The following OR51B5 variants were observed in gnomAD, a reference collection of about 807,000 sequenced individuals.
The protein encoded by OR51B5 is olfactory receptor family 51 subfamily B member 5.
For missense variants in OR51B5, 456 were observed against 374.6 expected (o/e 1.22, Z -1.79); for synonymous variants, 186 against 144.8 (o/e 1.28, Z -2.04).
At chr11:5,450,409 TA>T (rs1850826489) in intron 1 of OR51B5, among the ~76,000 whole-genome samples, 4 of 152,024 alleles carry the variant, frequency 2.6e-5, no homozygotes, top group Non-Finnish European at 5.9e-5. Flanking sequence ...ATGAATTAAT[TA>T]ATTAATGAAT....
At chr11:5,429,616 C>A (rs1850505514) in intron 1 of OR51B5, among the ~76,000 whole-genome samples, 1 of 152,000 alleles carries the variant, frequency 6.6e-6, no homozygotes, top group Non-Finnish European at 1.5e-5. Context: ...GAAGCCTAGG[C>A]AAACATGGGC....
intron 1 of OR51B5, among the ~76,000 whole-genome samples, chr11:5,473,667 G>A (rs889259932): frequency 6.6e-6 from 1 of 152,004 alleles, no homozygotes; most frequent in Non-Finnish European, 1.5e-5. Context: ...TTATTTAATG[G>A]AAAAATAAGC....
intron 1 of OR51B5, chr11:5,390,528 CT>C (rs1431539152): frequency 1.1e-5 from 7 of 639,866 alleles, no homozygotes; most frequent in Non-Finnish European, 1.8e-5. Flanking sequence ...GGAGTTGTGG[CT>C]TTAAAAAACT....
intron 1 of OR51B5, among the ~76,000 whole-genome samples, chr11:5,460,738 T>C (rs1851037896): frequency 1.3e-5 from 2 of 152,212 alleles, no homozygotes; most frequent in Non-Finnish European, 2.9e-5. Flanking sequence ...TTGCTATCCT[T>C]TCAACAGGGC....
intron 1 of OR51B5, among the ~76,000 whole-genome samples, chr11:5,380,440 G>T (rs965990464): frequency 6.6e-6 from 1 of 152,138 alleles, no homozygotes; most frequent in Non-Finnish European, 1.5e-5. Flanking sequence ...AGTTCTTCTG[G>T]GAAGGACTTG....
chr11:5,399,424 C>T (rs1414938346), intron 1 of OR51B5, among the ~76,000 whole-genome samples: 1 of 152,072 alleles, frequency 6.6e-6, no homozygotes, highest in Non-Finnish European at 1.5e-5. Flanking sequence ...AGAGCCAGTC[C>T]CTGAGGTAAG....
chr11:5,429,360 C>A (rs904764943), intron 1 of OR51B5, among the ~76,000 whole-genome samples: 1 of 152,084 alleles, frequency 6.6e-6, no homozygotes, highest in African/African-American at 2.4e-5. Context: ...TACAAACACA[C>A]TAAGTATTTC....
In OR51B5 at chr11:5,434,455, G is replaced by C. The variant is rs141569171; in HGVS notation, n.84+71114C>G. On this transcript the variant is annotated intron_variant and non_coding_transcript_variant, in intron 1 of 4. Coordinates refer to the OR51B5 transcript ENST00000415970. ...GGGTGGTGCCCACAGATGTAGCCTA[G>C]GTTTTGGGGCTAGTGCACCTCTCTA... 4.7e-3 allele frequency among the ~76,000 whole-genome samples: 708 copies of C among 152,254 alleles called. 5 individuals carry two copies. The highest frequency in any genetic ancestry group is 0.015 in the Admixed American group (230 of 15,294).
intron 1 of OR51B5, among the ~76,000 whole-genome samples, chr11:5,452,904 AG>A (rs1004091135): frequency 3.9e-5 from 6 of 152,214 alleles, no homozygotes; most frequent in Non-Finnish European, 5.9e-5. Context: ...GCCAATGAAA[AG>A]CTCATGACTG....
At chr11:5,479,728 T>C (rs57681266) in intron 1 of OR51B5, among the ~76,000 whole-genome samples, 19,432 of 141,328 alleles carry the variant, frequency 0.14, 1,254 homozygotes, top group Middle Eastern at 0.23. Flanking sequence ...TCTGATAAAA[T>C]AGACTTTAAA....
At chr11:5,427,451 C>T (rs930838989) in intron 1 of OR51B5, among the ~76,000 whole-genome samples, 1 of 152,202 alleles carries the variant, frequency 6.6e-6, no homozygotes, top group African/African-American at 2.4e-5. Context: ...TTGAATGAAC[C>T]ATGAATTAGA....
chr11:5,389,794 T>G, intron 1 of OR51B5: 1 of 1,614,038 alleles, frequency 6.2e-7, no homozygotes, highest in Non-Finnish European at 8.5e-7. Context: ...TGATGTCCTT[T>G]GACCGCCTTG....
downstream of OR51B5, among the ~76,000 whole-genome samples, chr11:5,341,923 C>CATTTTTTT (rs1263207790): frequency 2.6e-5 from 4 of 152,154 alleles, no homozygotes; most frequent in Non-Finnish European, 5.9e-5. Flanking sequence ...CCTCTTCTCA[C>CATTTTTTT]ATTTTTTTGT....
intron 1 of OR51B5, chr11:5,440,784 A>C: frequency 6.2e-7 from 1 of 1,613,980 alleles, no homozygotes; most frequent in East Asian, 2.2e-5. Context: ...GATGTGTGAC[A>C]TGCAGGTGTT....
At chr11:5,430,212 T>C (rs1408359638) in intron 1 of OR51B5, among the ~76,000 whole-genome samples, 1 of 151,404 alleles carries the variant, frequency 6.6e-6, no homozygotes, top group Non-Finnish European at 1.5e-5. Context: ...GACATGTTCC[T>C]AGGATAATAT....
chr11:5,345,273 A>AAG (rs377513915), upstream of OR51B5, among the ~76,000 whole-genome samples: 216 of 152,266 alleles, frequency 1.4e-3, no homozygotes, highest in African/African-American at 5.0e-3. Flanking sequence ...AAGACTAAGC[A>AAG]AGAGACAAGA....
intron 1 of OR51B5, among the ~76,000 whole-genome samples, chr11:5,470,401 A>C (rs1220380545): frequency 6.6e-6 from 1 of 152,182 alleles, no homozygotes; most frequent in Non-Finnish European, 1.5e-5. Flanking sequence ...TCTTCTGAGT[A>C]ATCACCCATT....
rs776445888 is a variant in OR51B5 at position 5,368,092 on chromosome 11, CTCTT to C, written n.85-21186_85-21183del. Among the ~76,000 whole-genome samples the C allele has an allele frequency of 9.2e-5, 14 of 152,210 alleles. 1 individual carries two copies. The highest frequency in any genetic ancestry group is 6.5e-5 in the Admixed American group (1 of 15,276). Reference sequence around the variant, plus strand: ...TGGAGACCCAGGCTCACTCAGAACTCTCTTTCTTTGTTTTTTCCTCTGCCATTCA... The same window carrying C: ...TGGAGACCCAGGCTCACTCAGAACTCTCTTTGTTTTTTCCTCTGCCATTCA... On this transcript the variant is annotated intron_variant and non_coding_transcript_variant, in intron 1 of 4. Transcript: ENST00000415970.
At chr11:5,349,998 C>T (rs1029114386) in intron 1 of OR51B5, among the ~76,000 whole-genome samples, 1 of 152,130 alleles carries the variant, frequency 6.6e-6, no homozygotes, top group Non-Finnish European at 1.5e-5. Flanking sequence ...CATCTTATAT[C>T]TGTTCCCAAG....
Sources: gnomAD v4.1 joint callset for allele counts (sites outside exome capture counted in the v4.1 genomes callset) on GRCh38, gnomAD v4.1.1 for gene constraint, MANE v1.5 for transcripts, NCBI Gene and HGNC (gene_info 2026-07-23, HGNC 2026-07-21) for gene names.